Variants in SCNN1D observed in about 807,000 individuals in gnomAD.
SCNN1D encodes the protein epithelial sodium channel subunit delta.
Under a neutral mutation model 87.8 loss-of-function variants are expected in SCNN1D, and 104 were observed. The observed-to-expected ratio is 1.18, with a 90% CI of 1.01 to 1.39. SCNN1D has a LOEUF of 1.39. SCNN1D is among the 40% of genes most tolerant of loss of function. SCNN1D has a pLI of 0.00. For synonymous variants in SCNN1D, 628 were observed against 481.2 expected, an observed-to-expected ratio of 1.31 and a Z score of -3.99; for missense variants, 1,324 against 1,093.9, an observed-to-expected ratio of 1.21 and a Z score of -2.97.
intron 3 of SCNN1D, 84 bp downstream of exon 3, chr1:1,281,694 G>A (rs1228070410): frequency 5.2e-5 from 66 of 1,276,804 alleles, no homozygotes; most frequent in Non-Finnish European, 4.3e-6. Context: ...CAGCCGAGAT[G>A]TGCTCTGACT....
intron 5 of SCNN1D, 28 bp from the exon 6 acceptor site, chr1:1,285,543 A>G: frequency 1.4e-6 from 2 of 1,439,910 alleles, no homozygotes. Context: ...GGGCGCATGG[A>G]CACGCTACCG....
chr1:1,291,208 G>T, intron 17 of SCNN1D, 46 bp from the exon 18 acceptor site: 1 of 1,579,690 alleles, frequency 6.3e-7, no homozygotes, highest in Non-Finnish European at 8.6e-7. Context: ...CACAGAAGGG[G>T]CACGGGGGCC....
Position 1,286,283 on chromosome 1 carries a change from G to A in SCNN1D, c.911+5G>A. On this transcript the variant is annotated splice_donor_5th_base_variant and intron_variant, in intron 7 of 17. Transcript: ENST00000379116. The stretch of plus-strand genomic sequence containing the variant: ...GTGTGACGGGAACCCACGTCGGTGA[G>A]GGCCAGGGCTGTCGGCGGGAGGGGT... 1 of 1,566,212 alleles carries A rather than the reference G, an allele frequency of 6.4e-7. No homozygotes were observed. The highest frequency in any genetic ancestry group is 8.6e-7 in the Non-Finnish European group (1 of 1,158,828).
At chr1:1,284,470 C>A (rs911945138) in intron 5 of SCNN1D, among the ~76,000 whole-genome samples, 2 of 151,800 alleles carry the variant, frequency 1.3e-5, no homozygotes, top group East Asian at 3.9e-4. Context: ...CCTCCTTATC[C>A]TGAAGAAGGC....
In SCNN1D at chr1:1,290,673, G is replaced by T. The variant is rs757738539; in HGVS notation, c.1896G>T (p.Arg632Ser). The change falls in exon 15 of 18, where the codon AGG (arginine) becomes AGT (serine). Residue 632 changes from arginine (R) to serine (S), a missense_variant. Transcript: ENST00000379116. ...SAFKLSTGTS[R>S]WPSAKSAGWT... ...TCAAGCTCTCCACTGGGACCTCCAGGTGGCCTTCCGCCAAGTCAGCTGTGA... is the reference window on the plus strand; with the variant it reads ...TCAAGCTCTCCACTGGGACCTCCAGTTGGCCTTCCGCCAAGTCAGCTGTGA... 1 of 1,612,660 alleles carries T rather than the reference G, an allele frequency of 6.2e-7. No homozygotes were observed. The highest frequency in any genetic ancestry group is 8.5e-7 in the Non-Finnish European group (1 of 1,179,946).
chr1:1,291,155 CCT>C lies in SCNN1D; in HGVS notation c.2052+16_2052+17del, dbSNP rs1412193333. On this transcript the variant is annotated intron_variant, in intron 17 of 17. Coordinates refer to ENST00000379116, the MANE Select transcript of SCNN1D (RefSeq NM_001130413.4). Reference sequence around the variant, plus strand: ...CCGTGTACTCGGTGAGCCTTGGCCCCCTGCCTGGGCTAGAGCGGGGGCAGCGA... The same window carrying C: ...CCGTGTACTCGGTGAGCCTTGGCCCCGCCTGGGCTAGAGCGGGGGCAGCGA... 3 of 1,609,960 alleles carry C rather than the reference CCT, an allele frequency of 1.9e-6. No individual in the cohort carries two copies. The highest frequency in any genetic ancestry group is 2.5e-6 in the Non-Finnish European group (3 of 1,178,674).
In SCNN1D at chr1:1,288,289, T is replaced by C. The variant is rs867027502; in HGVS notation, c.1662+252T>C. On this transcript the variant is annotated intron_variant, in intron 12 of 17. Coordinates refer to ENST00000379116, the MANE Select transcript of SCNN1D (RefSeq NM_001130413.4). ...TCTGCTCCGTCCCCCGAGTCTCTGC[T>C]CCGTCCCGTGTCTGCTCCGTCCCGT... Among the ~76,000 whole-genome samples the C allele has an allele frequency of 4.4e-3, 290 of 65,696 alleles. 1 individual carries two copies. The highest frequency in any genetic ancestry group is 9.9e-3 in the African/African-American group (55 of 5,566). The allele number at this position is 65,696 out of a possible 152,430, so 43.1% of individuals were successfully genotyped here.
At chr1:1,291,221 G>C in intron 17 of SCNN1D, 33 bp from the exon 18 acceptor site, 1 of 1,569,680 alleles carries the variant, frequency 6.4e-7, no homozygotes, top group South Asian at 1.2e-5. Flanking sequence ...CGGGGGCCTG[G>C]GCCCGCCCCT....
At position 1,286,929 on chromosome 1, in the gene SCNN1D, A is replaced by G. The variant is rs758908249; in HGVS notation, c.1073A>G (p.Gln358Arg). The G allele has an allele frequency of 1.2e-6, 2 of 1,612,178 alleles. No individual in the cohort carries two copies. Among genetic ancestry groups the G allele is most frequent in the African/African-American group, 1.3e-5 (1 of 74,886 alleles). The change falls in exon 8 of 18, where the codon CAG becomes CGG. Residue 358 changes from glutamine (Q) to arginine (R), a missense_variant. Transcript: ENST00000379116. The stretch of plus-strand genomic sequence containing the variant: ...CACCTGGACCGGGAGATCCGTCTGC[A>G]GAGGCTGAGCCACTCGGGCAGCCGG... ...PFHLDREIRL[Q>R]RLSHSGSRVR...
chr1:1,291,122 G>A lies in SCNN1D; in HGVS notation c.2034G>A (p.Glu678=), dbSNP rs537879522. The change falls in exon 17 of 18, where the codon GAG becomes GAA. Residue 678 remains glutamate (E), a synonymous_variant. Transcript: ENST00000379116. Reference sequence around the variant, plus strand: ...AGGAGCTCAACTACCGCTCAGTGGAGGAGGCGCCCGTGTACTCGGTGAGCC... The same window carrying A: ...AGGAGCTCAACTACCGCTCAGTGGAAGAGGCGCCCGTGTACTCGGTGAGCC... ...VYQELNYRSV[E]EAPVYSVPQL... 5 of 1,612,154 alleles carry A rather than the reference G, an allele frequency of 3.1e-6. No homozygotes were observed. The East Asian group carries it at 6.7e-5, about 22-fold the overall frequency.
At chr1:1,290,849 CG>C in intron 15 of SCNN1D, 45 bp from the exon 16 acceptor site, 1 of 1,601,936 alleles carries the variant, frequency 6.2e-7, no homozygotes, top group Non-Finnish European at 8.5e-7. Flanking sequence ...CCAGGATGGC[CG>C]GGGGCATGGG....
rs1219584242 is a variant in SCNN1D, at chr1:1,284,095, C to T, written c.464+5C>T. 2,456 of 172,846 alleles carry T rather than the reference C, an allele frequency of 0.014. 5 individuals carry two copies. The highest frequency in any genetic ancestry group is 0.016 in the Non-Finnish European group (2,309 of 147,694). 10.7% of individuals were successfully genotyped at this position (172,846 alleles called of 1,614,324 possible). On this transcript the variant is annotated splice_donor_5th_base_variant and intron_variant, in intron 5 of 17. Transcript: ENST00000379116. ...CGGGGGGGCTCTCACCTCCAGGTAC[C>T]GTGGGGGGGGGTGAGGGGGGTGGGG...
intron 4 of SCNN1D, 61 bp downstream of exon 4, chr1:1,282,376 T>TC: frequency 6.5e-7 from 1 of 1,532,010 alleles, no homozygotes; most frequent in Non-Finnish European, 8.8e-7. Context: ...GGGGCTGGGC[T>TC]CCCCCAGCCA....
At chr1:1,288,180 C>A (rs949663993) in intron 12 of SCNN1D, 143 bp downstream of exon 12, 1 of 625,222 alleles carries the variant, frequency 1.6e-6, no homozygotes, top group South Asian at 2.0e-5. Flanking sequence ...CGCACTCCAT[C>A]CCCCGTGTCC....
chr1:1,285,794 C>T, intron 6 of SCNN1D, 130 bp downstream of exon 6: 1 of 1,192,178 alleles, frequency 8.4e-7, no homozygotes, highest in South Asian at 1.5e-5. Flanking sequence ...TGTCAGAGCA[C>T]CCTGGGAGGG....
chr1:1,290,273 C>G lies in SCNN1D; in HGVS notation c.1665C>G (p.Ala555=). 6.4e-7 allele frequency: 1 copy of G among 1,562,106 alleles called. No homozygotes were observed. The change falls in exon 13 of 18, where the codon GCC becomes GCG. Residue 555 remains alanine, a splice_region_variant and synonymous_variant. Coordinates refer to ENST00000379116, the MANE Select transcript of SCNN1D (RefSeq NM_001130413.4). The part of the protein sequence containing the change: ...LLHNTSYTRQ[A]CLVSCFQQLM... ...CTGCTCATCCCCCCTGTCCCCAGGC[C>G]TGCCTGGTGTCCTGCTTCCAGCAGC...
intron 7 of SCNN1D, 141 bp downstream of exon 7, chr1:1,286,419 C>T (rs1012218698): frequency 2.8e-6 from 2 of 725,754 alleles, no homozygotes; most frequent in Admixed American, 2.9e-5. Context: ...GTCACTGTGA[C>T]CTCCCAAACC....
intron 1 of SCNN1D, 124 bp from the exon 2 acceptor site, chr1:1,281,102 C>A: frequency 3.2e-6 from 3 of 928,434 alleles, no homozygotes; most frequent in Non-Finnish European, 4.9e-6. Context: ...TGCACCAGAA[C>A]CGTCCCAGGG....
intron 12 of SCNN1D, among the ~76,000 whole-genome samples, chr1:1,288,275 CCCCG>C (rs1189748331): frequency 1.7e-5 from 1 of 58,790 alleles, no homozygotes; most frequent in Non-Finnish European, 2.5e-5. Flanking sequence ...CTGCTCCGTC[CCCCG>C]AGTCTCTGCT....
Sources: allele counts gnomAD v4.1 joint callset (sites outside exome capture counted in the v4.1 genomes callset), GRCh38; gene constraint gnomAD v4.1.1; transcripts MANE v1.5; gene names NCBI Gene and HGNC (gene_info 2026-07-23, HGNC 2026-07-21).